TLN2: variants seen among roughly 807,000 people sequenced by gnomAD.
TLN2 encodes the protein talin-2.
TLN2 carries 118 observed loss-of-function variants against 294.7 expected under a neutral mutation model. The observed-to-expected ratio is 0.40, with a 90% CI of 0.34 to 0.47. The LOEUF (loss-of-function observed/expected upper bound fraction) is 0.47, where lower values mean the gene tolerates loss of function less well. Among genes scored for constraint, TLN2 ranks in the 20% least tolerant of loss-of-function variants. The probability of loss-of-function intolerance (pLI) is 0.84; values close to 1 mark genes in which losing one functional copy is unlikely to be tolerated. For synonymous variants in TLN2, 1,431 were observed against 1,304.5 expected (o/e 1.10, Z -2.09); for missense variants, 3,083 against 3,282.2 (o/e 0.94, Z 1.48).
intron 22 of TLN2, among the ~76,000 whole-genome samples, chr15:62,712,511 T>G (rs2059488666): frequency 6.6e-6 from 1 of 152,008 alleles, no homozygotes; most frequent in Non-Finnish European, 1.5e-5. Flanking sequence ...TTACGGTTCT[T>G]TAAATCCCAG....
chr15:62,525,324 C>T (rs2040679798), intron 1 of TLN2, among the ~76,000 whole-genome samples: 1 of 152,206 alleles, frequency 6.6e-6, no homozygotes, highest in Non-Finnish European at 1.5e-5. Context: ...GAAATGTATA[C>T]CAATCTCTTT....
chr15:62,815,345 C>G (rs2067032400), intron 52 of TLN2, among the ~76,000 whole-genome samples: 1 of 152,058 alleles, frequency 6.6e-6, no homozygotes. Context: ...CAGACTGTAC[C>G]TGTAGATCTT....
chr15:62,812,820 C>T (rs1048208125), intron 52 of TLN2, among the ~76,000 whole-genome samples: 21 of 152,158 alleles, frequency 1.4e-4, no homozygotes, highest in Admixed American at 1.4e-3. Context: ...GGGCAGATGG[C>T]TGGCCTCTGC....
rs202138558 is a variant in TLN2 at position 62,717,726 on chromosome 15, A to G, written c.2877+37A>G. ...GTGCACAGAGAGCCAGGTCAGCTGCAGATGACCCTGATAACATTAGAACAC... is the reference window on the plus strand; with the variant it reads ...GTGCACAGAGAGCCAGGTCAGCTGCGGATGACCCTGATAACATTAGAACAC... On this transcript the variant is annotated intron_variant, in intron 24 of 58. Coordinates refer to ENST00000636159, the MANE Select transcript of TLN2 (RefSeq NM_015059.3). 3.5e-6 allele frequency: 5 copies of G among 1,448,238 alleles called. No individual in the cohort carries two copies. The Admixed American group carries it at 1.3e-4, about 37-fold the overall frequency. 89.7% of individuals were successfully genotyped at this position (1,448,238 alleles called of 1,614,324 possible).
intron 43 of TLN2, among the ~76,000 whole-genome samples, chr15:62,777,662 T>C (rs372378854): frequency 6.6e-6 from 1 of 152,178 alleles, no homozygotes. Flanking sequence ...TTTAACACAC[T>C]CTTTTTAATT....
At chr15:62,521,048 T>C (rs2040432047) in intron 1 of TLN2, among the ~76,000 whole-genome samples, 1 of 152,224 alleles carries the variant, frequency 6.6e-6, no homozygotes, top group Admixed American at 6.5e-5. Context: ...TTTTGTCTTC[T>C]TACAGTGTCA....
chr15:62,644,916 C>G (rs2051650609), intron 3 of TLN2: 2 of 265,812 alleles, frequency 7.5e-6, no homozygotes, highest in South Asian at 8.8e-5. Flanking sequence ...CGCAGCAACG[C>G]TTACAACACT....
chr15:62,598,402 C>T (rs777806810), intron 2 of TLN2, among the ~76,000 whole-genome samples: 8 of 152,128 alleles, frequency 5.3e-5, no homozygotes, highest in Non-Finnish European at 1.0e-4. Context: ...GTCAGCTCTG[C>T]CTCGTTCCCA....
chr15:62,624,884 G>A (rs1207450331), intron 3 of TLN2, among the ~76,000 whole-genome samples: 1 of 152,234 alleles, frequency 6.6e-6, no homozygotes, highest in East Asian at 1.9e-4. Flanking sequence ...AGCTAAGAAC[G>A]ATTAAGCCTG....
intron 1 of TLN2, among the ~76,000 whole-genome samples, chr15:62,486,452 GTTTT>G (rs34975634): frequency 5.4e-5 from 5 of 93,292 alleles, no homozygotes; most frequent in Non-Finnish European, 1.1e-4. Flanking sequence ...CAGTTCCTTT[GTTTT>G]TTTTTTTTTT....
chr15:62,647,586 A>G (rs2052036274), intron 4 of TLN2, 140 bp downstream of exon 4: 1 of 1,163,878 alleles, frequency 8.6e-7, no homozygotes, highest in Non-Finnish European at 1.2e-6. Flanking sequence ...TAGATCAGAC[A>G]CTACCTGCTT....
At chr15:62,435,530 T>G (rs2140296663) in intron 1 of TLN2, among the ~76,000 whole-genome samples, 1 of 152,308 alleles carries the variant, frequency 6.6e-6, no homozygotes, top group East Asian at 1.9e-4. Context: ...TTGTATTTGA[T>G]TTTTAAAATT....
rs148578307 is a variant in TLN2 at position 62,619,657 on chromosome 15, G to A, written c.-37+1182G>A. On this transcript the variant is annotated intron_variant, in intron 3 of 58. Coordinates refer to ENST00000636159, the MANE Select transcript of TLN2 (RefSeq NM_015059.3). ...GTGGGCCCTGAATCTGATGACTGGC[G>A]TCCTTGTAGGAAGAGGAGAGGCCAC... 4.1e-3 allele frequency among the ~76,000 whole-genome samples: 619 copies of A among 152,270 alleles called. 6 individuals are homozygous for A. Among genetic ancestry groups the A allele is most frequent in the African/African-American group, 0.014 (570 of 41,554 alleles).
At chr15:62,496,038 C>G (rs534246436) in intron 1 of TLN2, among the ~76,000 whole-genome samples, 1 of 151,980 alleles carries the variant, frequency 6.6e-6, no homozygotes, top group East Asian at 1.9e-4. Context: ...TGATCATGAT[C>G]TAAGCACTAG....
Position 62,810,049 on chromosome 15 carries a change from G to A in TLN2, c.6771+17G>A, listed in dbSNP as rs1292620694. The stretch of plus-strand genomic sequence containing the variant: ...GTCTTGGTGGTAAGAAAGCGCATGA[G>A]TCAGGGCTGGGGAGTAGCTGTGTCC... On this transcript the variant is annotated intron_variant, in intron 52 of 58. Coordinates refer to ENST00000636159, the MANE Select transcript of TLN2 (RefSeq NM_015059.3). 9 of 1,603,974 alleles carry A rather than the reference G, an allele frequency of 5.6e-6. No homozygotes were observed. In the Admixed American group the frequency reaches 1.3e-4, roughly 24 times the overall value.
At position 62,697,859 on chromosome 15, in the gene TLN2, GC is replaced by G; in HGVS notation, c.1466del (p.Pro489ArgfsTer3). On this transcript the variant is annotated frameshift_variant, in exon 15 of 59. Coordinates refer to ENST00000636159, the MANE Select transcript of TLN2 (RefSeq NM_015059.3). LOFTEE classifies it high-confidence loss of function. The part of the protein sequence containing the change: ...MVGQMHRGHM[P>X]PLTSAQQALM... ...TTGGGCAGATGCACCGAGGCCACAT[GC>G]CGCCACTGGTGAGGCTTCCTGTGCT... 1 of 1,611,930 alleles carries G rather than the reference GC, an allele frequency of 6.2e-7. No homozygotes were observed. The highest frequency in any genetic ancestry group is 8.5e-7 in the Non-Finnish European group (1 of 1,179,638).
rs767047221 is a variant in TLN2 at position 62,631,422 on chromosome 15, TTTTCTTCC to T, written c.-37+12966_-37+12973del. The stretch of plus-strand genomic sequence containing the variant: ...TCCATTATTTTTTCAGGTTTGATAG[TTTTCTTCC>T]TTTCTTCCTTTCTTCCTTCCTTTCT... On this transcript the variant is annotated intron_variant, in intron 3 of 58. Transcript: ENST00000636159. Among the ~76,000 whole-genome samples, 779 of 151,984 alleles carry T rather than the reference TTTTCTTCC, an allele frequency of 5.1e-3. 11 individuals carry two copies. Among genetic ancestry groups the T allele is most frequent in the African/African-American group, 0.014 (577 of 41,476 alleles).
intron 1 of TLN2, among the ~76,000 whole-genome samples, chr15:62,559,181 T>G (rs1280146986): frequency 2.6e-5 from 4 of 152,204 alleles, no homozygotes; most frequent in South Asian, 4.1e-4. Flanking sequence ...ACTCTCAGTG[T>G]GCAGGCGAGT....
chr15:62,600,091 G>A (rs1049763516), intron 2 of TLN2, among the ~76,000 whole-genome samples: 1 of 152,132 alleles, frequency 6.6e-6, no homozygotes, highest in Non-Finnish European at 1.5e-5. Flanking sequence ...GGGATTTCCC[G>A]CTGAGTTGAT....
Sources: allele counts gnomAD v4.1 joint callset (sites outside exome capture counted in the v4.1 genomes callset), GRCh38; gene constraint gnomAD v4.1.1; transcripts MANE v1.5; gene names NCBI Gene and HGNC (gene_info 2026-07-23, HGNC 2026-07-21).